Variants in DRG1 observed in about 807,000 individuals in gnomAD.
DRG1 encodes developmentally-regulated GTP-binding protein 1.
A neutral mutation model predicts 38.8 loss-of-function variants in DRG1; 19 were observed. The ratio of observed to expected loss-of-function variants is 0.49; its 90% CI spans 0.34 to 0.72. The LOEUF is 0.72. Among genes scored for constraint, DRG1 ranks in the 30% least tolerant of loss-of-function variants. DRG1 has a pLI of 0.01. For synonymous variants in DRG1, 167 were observed against 157.5 expected (o/e 1.06, Z -0.45); for missense variants, 299 against 444.8 (o/e 0.67, Z 2.95).
chr22:31,430,938 G>A (rs1317341883), intron 8 of DRG1, among the ~76,000 whole-genome samples: 5 of 146,760 alleles, frequency 3.4e-5, no homozygotes, highest in Admixed American at 2.1e-4. Context: ...GGCTGGTCTC[G>A]AACTCCTGGG....
At chr22:31,419,003 C>A (rs1280717033) in intron 4 of DRG1, among the ~76,000 whole-genome samples, 3 of 151,954 alleles carry the variant, frequency 2.0e-5, no homozygotes, top group African/African-American at 7.2e-5. Flanking sequence ...TTAGCAGAGA[C>A]AGGGTTTCAC....
At chr22:31,401,595 A>AAAG (rs2049961168) in intron 2 of DRG1, among the ~76,000 whole-genome samples, 2 of 151,032 alleles carry the variant, frequency 1.3e-5, no homozygotes, top group African/African-American at 4.9e-5. Context: ...AAAAAAAAAA[A>AAAG]AAAAAAAAAA....
At chr22:31,432,569 G>C (rs1231559783) in intron 8 of DRG1, among the ~76,000 whole-genome samples, 2 of 152,104 alleles carry the variant, frequency 1.3e-5, no homozygotes, top group Non-Finnish European at 2.9e-5. Context: ...GGGACTATAG[G>C]TGCGCGCTAC....
At chr22:31,432,449 TGA>T (rs1278965679) in intron 8 of DRG1, among the ~76,000 whole-genome samples, 2 of 148,628 alleles carry the variant, frequency 1.3e-5, no homozygotes, top group South Asian at 2.1e-4. Context: ...TTTTTGAGAC[TGA>T]GAGAGACTCA....
chr22:31,420,530 G>A (rs2050071205), intron 5 of DRG1, 105 bp downstream of exon 5: 2 of 1,352,256 alleles, frequency 1.5e-6, no homozygotes, highest in East Asian at 2.5e-5. Flanking sequence ...GCTTTTCCCT[G>A]CACTAATTGA....
intron 5 of DRG1, among the ~76,000 whole-genome samples, chr22:31,420,663 C>G (rs139536152): frequency 2.6e-5 from 4 of 152,242 alleles, no homozygotes; most frequent in Non-Finnish European, 4.4e-5. Flanking sequence ...ATGATATGGG[C>G]GTGTGGACCA....
At chr22:31,405,055 A>G (rs1018697336) in intron 3 of DRG1, among the ~76,000 whole-genome samples, 1 of 152,142 alleles carries the variant, frequency 6.6e-6, no homozygotes, top group Non-Finnish European at 1.5e-5. Context: ...TTGTTATTGA[A>G]TGTTGAATTA....
rs369426199 is a variant in DRG1, at chr22:31,420,266, C to G, written c.423C>G (p.Thr141=). The G allele has an allele frequency of 9.9e-6, 16 of 1,613,854 alleles. No homozygotes were observed. In the African/African-American group the frequency reaches 2.1e-4, roughly 22 times the overall value. The stretch of plus-strand genomic sequence containing the variant: ...TTTCTTACTCTTCAGTGGCCCGAAC[C>G]TGTAACTTGATCTTGATTGTTCTGG... The part of the protein sequence containing the change: ...RGRQVIAVAR[T]CNLILIVLDV... Residue 141 remains threonine, a synonymous_variant, in exon 5 of 9, where the codon ACC becomes ACG. Transcript: ENST00000331457.
At chr22:31,431,521 C>G (rs543004836) in intron 8 of DRG1, among the ~76,000 whole-genome samples, 2 of 152,092 alleles carry the variant, frequency 1.3e-5, no homozygotes, top group Admixed American at 1.3e-4. Flanking sequence ...AAAAATTAGC[C>G]AGACATGGTA....
chr22:31,414,701 A>T (rs2050034842), intron 4 of DRG1, among the ~76,000 whole-genome samples: 1 of 151,764 alleles, frequency 6.6e-6, no homozygotes. Context: ...TATGTGACTG[A>T]CATGCTGGCT....
intron 4 of DRG1, among the ~76,000 whole-genome samples, chr22:31,412,496 G>A (rs1376698481): frequency 4.7e-4 from 70 of 148,936 alleles, no homozygotes; most frequent in African/African-American, 1.6e-3. Context: ...GACTACAGGC[G>A]CCCGCCACCA....
At chr22:31,413,521 G>A (rs1231450587) in intron 4 of DRG1, among the ~76,000 whole-genome samples, 1 of 145,760 alleles carries the variant, frequency 6.9e-6, no homozygotes, top group Non-Finnish European at 1.5e-5. Flanking sequence ...CTAAGACTTT[G>A]TTTCTGTCTT....
At chr22:31,427,891 C>T (rs150274734) in intron 8 of DRG1, among the ~76,000 whole-genome samples, 506 of 152,150 alleles carry the variant, frequency 3.3e-3, no homozygotes, top group Non-Finnish European at 5.7e-3. Flanking sequence ...GTGCCACCCA[C>T]CATGCCCAGC....
intron 8 of DRG1, among the ~76,000 whole-genome samples, chr22:31,430,439 G>T (rs1395335500): frequency 6.8e-6 from 1 of 147,286 alleles, no homozygotes; most frequent in Non-Finnish European, 1.5e-5. Context: ...TCGCTCTGTC[G>T]CCCAGGCTAG....
rs2049986000 is a variant in DRG1 at position 31,405,682 on chromosome 22, G to GA, written c.342+2478_342+2479insA. ...ACTGTTGGGCATGTGTGTGTGTGTG[G>GA]GGGGGTTTATTTATTTTTTTATTTG... is the stretch of plus-strand genomic sequence containing the variant. On this transcript the variant is annotated intron_variant, in intron 3 of 8. Transcript: ENST00000331457. Among the ~76,000 whole-genome samples the GA allele has an allele frequency of 7.4e-5, 11 of 148,854 alleles. 1 individual carries two copies. The South Asian group carries it at 2.5e-3, about 34-fold the overall frequency.
rs757465759 is a variant in DRG1 at position 31,426,643 on chromosome 22, A to T, written c.742A>T (p.Asn248Tyr). 3.1e-6 allele frequency: 5 copies of T among 1,613,816 alleles called. No individual in the cohort carries two copies. In the East Asian group the frequency reaches 1.1e-4, roughly 36 times the overall value. ...TTATATCCCCTGTATCTATGTGTTA[A>T]ATAAGATTGACCAAATCTCCATTGA... is the stretch of plus-strand genomic sequence containing the variant. ...RVYIPCIYVL[N>Y]KIDQISIEEL... The change falls in exon 7 of 9, where the codon AAT becomes TAT. Residue 248 changes from asparagine to tyrosine, a missense_variant. By Grantham distance (143) the Asn-to-Tyr change is moderately radical. This residue lies in a region of DRG1 where 198 missense variants were observed against 268.1 expected (regional missense o/e 0.74). Transcript: ENST00000331457.
intron 7 of DRG1, 114 bp from the exon 8 acceptor site, chr22:31,426,946 C>T: frequency 2.6e-6 from 4 of 1,518,372 alleles, no homozygotes; most frequent in Admixed American, 2.0e-5. Context: ...GACACTTTTT[C>T]CCTTAAGTTG....
intron 8 of DRG1, 52 bp from the exon 9 acceptor site, chr22:31,433,820 G>A: frequency 6.4e-7 from 1 of 1,552,912 alleles, no homozygotes. Context: ...GGCAAATAGG[G>A]CAGAAGCTAG....
chr22:31,425,664 C>G lies in DRG1; in HGVS notation c.714-951C>G, dbSNP rs371983433. Among the ~76,000 whole-genome samples, 40 of 152,250 alleles carry G rather than the reference C, an allele frequency of 2.6e-4. No individual in the cohort carries two copies. In the East Asian group the frequency reaches 6.0e-3, roughly 23 times the overall value. On this transcript the variant is annotated intron_variant, in intron 6 of 8. Coordinates refer to ENST00000331457, the MANE Select transcript of DRG1 (RefSeq NM_004147.4). ...CCACGTTGCCGAGACTGGTCTTGAACTCCTGGGCTCAAGCAATCTGCCTGC... is the reference window on the plus strand; with the variant it reads ...CCACGTTGCCGAGACTGGTCTTGAAGTCCTGGGCTCAAGCAATCTGCCTGC...
Sources: gnomAD v4.1 joint callset for allele counts (sites outside exome capture counted in the v4.1 genomes callset) on GRCh38, gnomAD v4.1.1 for gene constraint, gnomAD v4.1.1 regional missense constraint, MANE v1.5 for transcripts, NCBI Gene and HGNC (gene_info 2026-07-23, HGNC 2026-07-21) for gene names.